The following RAB40B variants were observed in gnomAD, a reference collection of about 807,000 sequenced individuals.
RAB40B encodes RAB40B, member RAS oncogene family, also known as ras-related protein Rab-40B.
Under a neutral mutation model 24.0 loss-of-function variants are expected in RAB40B, and 21 were observed. That is an observed-to-expected ratio of 0.88 (90% CI 0.62 to 1.26). RAB40B has a LOEUF of 1.26. Ranked by LOEUF, RAB40B falls within the 50% of genes most tolerant of loss-of-function variation. The probability of loss-of-function intolerance (pLI) is 0.00; values close to 1 mark genes in which losing one functional copy is unlikely to be tolerated. For missense variants in RAB40B, 348 were observed against 390.5 expected (o/e 0.89, Z 0.92); for synonymous variants, 167 against 169.8 (o/e 0.98, Z 0.13).
chr17:82,681,020 C>CAAAAAAAAAAAAAAAAAAAAAAAA (rs201799464), intron 1 of RAB40B, among the ~76,000 whole-genome samples: 2 of 93,956 alleles, frequency 2.1e-5, no homozygotes, highest in South Asian at 3.6e-4. Flanking sequence ...GACTCCATCT[C>CAAAAAAAAAAAAAAAAAAAAAAAA]AAAAAAAAAA....
At chr17:82,685,781 G>A (rs1040404714) in intron 1 of RAB40B, among the ~76,000 whole-genome samples, 12 of 151,534 alleles carry the variant, frequency 7.9e-5, no homozygotes, top group Middle Eastern at 3.4e-3. Flanking sequence ...GACCTGATTC[G>A]GAAACAGGAT....
chr17:82,690,786 G>C (rs571690786), intron 1 of RAB40B, among the ~76,000 whole-genome samples: 3 of 140,666 alleles, frequency 2.1e-5, no homozygotes, highest in Admixed American at 7.1e-5. Context: ...ATTGGAGGGA[G>C]ATGAAGTGTG....
At chr17:82,683,549 A>C (rs2046465481) in intron 1 of RAB40B, among the ~76,000 whole-genome samples, 1 of 152,222 alleles carries the variant, frequency 6.6e-6, no homozygotes, top group South Asian at 2.1e-4. Context: ...CCACTTTGGG[A>C]GGCCGAGGTA....
At chr17:82,661,678 G>C (rs1245883037) in intron 2 of RAB40B, among the ~76,000 whole-genome samples, 1 of 152,112 alleles carries the variant, frequency 6.6e-6, no homozygotes, top group East Asian at 1.9e-4. Flanking sequence ...CCCGAGGTCA[G>C]GAGTTGGAGA....
chr17:82,691,525 A>G (rs553548183), intron 1 of RAB40B, among the ~76,000 whole-genome samples: 18 of 152,202 alleles, frequency 1.2e-4, no homozygotes, highest in Admixed American at 1.1e-3. Context: ...CATCTCTACT[A>G]AAAATACAAA....
At chr17:82,678,461 T>G (rs1406163018) in intron 1 of RAB40B, among the ~76,000 whole-genome samples, 2 of 151,962 alleles carry the variant, frequency 1.3e-5, no homozygotes, top group Non-Finnish European at 2.9e-5. Flanking sequence ...TGCCACACCA[T>G]TCTCTACACT....
chr17:82,661,276 A>G (rs2046168613), intron 2 of RAB40B: 1 of 1,318,902 alleles, frequency 7.6e-7, no homozygotes, highest in Admixed American at 3.5e-5. Flanking sequence ...TCAAACTAGA[A>G]AAAATAGTGA....
rs892063547 is a variant in RAB40B, at chr17:82,656,447, C to G, written c.*1416G>C. Reference sequence around the variant, plus strand: ...GCTCTGAGGCAGTCGGGGTCAGGGGCTACATCTTCATGCGGAATTCCTGAC... The same window carrying G: ...GCTCTGAGGCAGTCGGGGTCAGGGGGTACATCTTCATGCGGAATTCCTGAC... On this transcript the variant is annotated 3_prime_UTR_variant, in exon 6 of 6. Coordinates refer to ENST00000571995, the MANE Select transcript of RAB40B (RefSeq NM_006822.3). The G allele has an allele frequency of 6.6e-6, 1 of 152,188 alleles. No homozygotes were observed. Among genetic ancestry groups the G allele is most frequent in the African/African-American group, 2.4e-5 (1 of 41,438 alleles). The allele number at this position is 152,188 out of a possible 1,614,324, so 9.4% of individuals were successfully genotyped here.
At chr17:82,658,324 C>T in intron 5 of RAB40B, 167 bp downstream of exon 5, 1 of 1,073,910 alleles carries the variant, frequency 9.3e-7, no homozygotes. Context: ...CCCTCATGAG[C>T]TTTCTGACAA....
chr17:82,664,986 G>T, intron 1 of RAB40B: 1 of 184,310 alleles, frequency 5.4e-6, no homozygotes, highest in Non-Finnish European at 1.2e-5. Context: ...ACGGGGCTAA[G>T]GCAGCGGCTC....
intron 1 of RAB40B, among the ~76,000 whole-genome samples, chr17:82,680,330 C>G (rs1303674114): frequency 1.1e-4 from 16 of 152,164 alleles, no homozygotes; most frequent in Admixed American, 1.0e-3. Flanking sequence ...CCCACCTTGG[C>G]CACGACCTGC....
intron 1 of RAB40B, among the ~76,000 whole-genome samples, chr17:82,670,689 C>A (rs2046321762): frequency 1.3e-5 from 2 of 151,946 alleles, no homozygotes; most frequent in Admixed American, 1.3e-4. Flanking sequence ...CGCCCACCAC[C>A]ACGCCCGGCT....
intron 1 of RAB40B, among the ~76,000 whole-genome samples, chr17:82,679,485 G>A (rs1465771451): frequency 6.6e-6 from 1 of 151,934 alleles, no homozygotes; most frequent in African/African-American, 2.4e-5. Context: ...GTTTCACTGT[G>A]TTAGCCAGGA....
Position 82,665,696 on chromosome 17 carries a change from A to G in RAB40B, c.143-1140T>C, listed in dbSNP as rs866804418. On this transcript the variant is annotated intron_variant, in intron 1 of 5. Coordinates refer to ENST00000571995, the MANE Select transcript of RAB40B (RefSeq NM_006822.3). ...AGCCTGACCAATATGATGAAACCCC[A>G]TCTCTACTAAAAATTCAAAAATTAG... Among the ~76,000 whole-genome samples the G allele has an allele frequency of 3.3e-5, 5 of 152,170 alleles. No individual in the cohort carries two copies. In the South Asian group the frequency reaches 1.0e-3, roughly 32 times the overall value.
In RAB40B at chr17:82,685,362, TG is replaced by T. The variant is rs112927514; in HGVS notation, c.142+13092del. 2.2e-3 allele frequency among the ~76,000 whole-genome samples: 311 copies of T among 141,784 alleles called. 1 individual carries two copies. Among genetic ancestry groups the T allele is most frequent in the African/African-American group, 9.2e-3 (291 of 31,776 alleles). The allele number at this position is 141,784 out of a possible 152,430, so 93.0% of individuals were successfully genotyped here. A position where few individuals can be genotyped will look rare whatever the true frequency, so the allele number is the denominator to read the frequency against. ...CCTCAACTGTGGCCGTGCACTCAAC[TG>T]AACGCAGATTCCTGGGGCCTCCTTG... On this transcript the variant is annotated intron_variant, in intron 1 of 5. Coordinates refer to ENST00000571995, the MANE Select transcript of RAB40B (RefSeq NM_006822.3).
chr17:82,690,353 T>C (rs2046543711), intron 1 of RAB40B, among the ~76,000 whole-genome samples: 1 of 144,296 alleles, frequency 6.9e-6, no homozygotes, highest in Admixed American at 7.0e-5. Context: ...AGTGTGTACG[T>C]GTGTCCAGGG....
At chr17:82,664,755 C>T (rs527959276) in intron 1 of RAB40B, 199 bp from the exon 2 acceptor site, 3 of 556,612 alleles carry the variant, frequency 5.4e-6, no homozygotes, top group East Asian at 3.1e-5. Flanking sequence ...CCCCTCCTGT[C>T]CTCAGCCGCC....
At chr17:82,666,330 G>T (rs927647603) in intron 1 of RAB40B, among the ~76,000 whole-genome samples, 1 of 151,590 alleles carries the variant, frequency 6.6e-6, no homozygotes, top group Non-Finnish European at 1.5e-5. Flanking sequence ...CTGCAACCTC[G>T]GCCTCCTGAG....
At chr17:82,695,197 C>CT (rs544874715) in intron 1 of RAB40B, among the ~76,000 whole-genome samples, 6,678 of 140,638 alleles carry the variant, frequency 0.047, 592 homozygotes, top group African/African-American at 0.17. Flanking sequence ...TTCTTTCTTT[C>CT]TTTTTTTTTT....
Sources: gnomAD v4.1 joint callset for allele counts (sites outside exome capture counted in the v4.1 genomes callset) on GRCh38, gnomAD v4.1.1 for gene constraint, MANE v1.5 for transcripts, NCBI Gene and HGNC (gene_info 2026-07-23, HGNC 2026-07-21) for gene names.